Variants in CPAMD8 observed in about 807,000 individuals in gnomAD.
The protein encoded by CPAMD8 is C3 and PZP like alpha-2-macroglobulin domain containing 8.
Under a neutral mutation model 224.7 loss-of-function variants are expected in CPAMD8, and 146 were observed. The observed-to-expected ratio is 0.65, with a 90% confidence interval of 0.57 to 0.75. CPAMD8 has a LOEUF of 0.75. CPAMD8 is among the 30% of genes least tolerant of loss of function. The pLI is 0.00. For synonymous variants in CPAMD8, 966 were observed against 1,044.6 expected (o/e 0.92, Z 1.45); for missense variants, 2,301 against 2,537.5 (o/e 0.91, Z 2.00).
Position 16,893,289 on chromosome 19 carries a change from C to T in CPAMD8, c.5477G>A (p.Ser1826Asn), listed in dbSNP as rs1009759196. ...PPVSSGNLES[S>N]TQSASPFHRW... ...GTGGAACGGGCTGGCGCTCTGGGTG[C>T]TGCTTTCCAGGTTCCCGCTGCTCAC... Residue 1826 changes from serine to asparagine, a missense_variant, in exon 42 of 42, where the codon AGC (serine) becomes AAC (asparagine). Transcript: ENST00000443236. 3 of 1,557,344 alleles carry T rather than the reference C, an allele frequency of 1.9e-6. No homozygotes were observed. Among genetic ancestry groups the T allele is most frequent in the Non-Finnish European group, 2.6e-6 (3 of 1,150,270 alleles).
rs576751104 is a variant in CPAMD8 at position 16,932,517 on chromosome 19, GA to G, written c.2846-3278del. 2.7e-3 allele frequency among the ~76,000 whole-genome samples: 415 copies of G among 152,110 alleles called. 2 individuals carry two copies. The highest frequency in any genetic ancestry group is 4.3e-3 in the Non-Finnish European group (294 of 67,986). On this transcript the variant is annotated intron_variant, in intron 23 of 41. Coordinates refer to ENST00000443236, the MANE Select transcript of CPAMD8 (RefSeq NM_015692.5). ...GAAGTCAGAAAAACAATTCAAAAAG[GA>G]ACCAAACAAATTCTGAAACTGAAGA...
At chr19:17,012,346 CTTTCTT>C (rs1350399180) in intron 3 of CPAMD8, among the ~76,000 whole-genome samples, 1 of 92,646 alleles carries the variant, frequency 1.1e-5, no homozygotes, top group Non-Finnish European at 2.6e-5. Context: ...TTCTTTCTTT[CTTTCTT>C]TTTTTTTTTT....
At chr19:16,935,660 C>T (rs73525465) in intron 23 of CPAMD8, among the ~76,000 whole-genome samples, 2,024 of 152,220 alleles carry the variant, frequency 0.013, 39 homozygotes, top group African/African-American at 0.047. Flanking sequence ...GAAGGACATC[C>T]GGGCTGTTTC....
rs753438460 is a variant in CPAMD8, at chr19:16,899,498, G to A, written c.4825C>T (p.Arg1609Ter). ...GMKRYEVAGR[R>*]VLFYFDEIPS... ...ACCTCATCAAAGTAGAAGAGCACTC[G>A]GCGTCCAGCCACTTCATACCTCTTC... Residue 1609 changes from arginine (R) to a stop codon, truncating the protein, a stop_gained, in exon 37 of 42, where the codon CGA becomes TGA. Coordinates refer to ENST00000443236, the MANE Select transcript of CPAMD8 (RefSeq NM_015692.5). LOFTEE classifies it high-confidence loss of function. The surrounding 1 kb of genome is among the most constrained non-coding windows in gnomAD (Gnocchi z 5.4). 3.8e-6 allele frequency: 6 copies of A among 1,571,950 alleles called. No individual in the cohort carries two copies. The highest frequency in any genetic ancestry group is 1.3e-5 in the African/African-American group (1 of 74,164).
In CPAMD8 at chr19:16,925,915, A is replaced by G. The variant is rs144509609; in HGVS notation, c.3371-543T>C. Among the ~76,000 whole-genome samples, 266 of 152,100 alleles carry G rather than the reference A, an allele frequency of 1.7e-3. 1 individual carries two copies. The highest frequency in any genetic ancestry group is 3.7e-3 in the African/African-American group (153 of 41,490). On this transcript the variant is annotated intron_variant, in intron 25 of 41. Transcript: ENST00000443236. The stretch of plus-strand genomic sequence containing the variant: ...ACTACAGGCGTGTGCCACCACACCC[A>G]ACTAATTTTTTATTTTTATTTTTTT...
At chr19:16,965,396 A>G (rs8111146) in intron 18 of CPAMD8, among the ~76,000 whole-genome samples, 128,403 of 152,046 alleles carry the variant, frequency 0.84, 54,449 homozygotes, top group African/African-American at 0.88. Flanking sequence ...TACTGAATGG[A>G]CAAAAACTGG....
Position 16,902,778 on chromosome 19 carries a change from C to T in CPAMD8, c.4556G>A (p.Gly1519Glu), listed in dbSNP as rs1402424749. 3.1e-6 allele frequency: 5 copies of T among 1,590,556 alleles called. No homozygotes were observed. The highest frequency in any genetic ancestry group is 4.3e-6 in the Non-Finnish European group (5 of 1,164,628). Reference protein sequence around the residue: ...LVSLQEPEAQGRPPPMPASAA... With the variant: ...LVSLQEPEAQERPPPMPASAA... ...GGAGGCAGGCATGGGGGGCGGGCGT[C>T]CCTGGGCCTCAGGCTCCTGGAGGCT... Residue 1519 changes from glycine (G) to glutamate (E), a missense_variant, in exon 35 of 42, where the codon GGA becomes GAA. Gly to Glu is a moderately conservative substitution (Grantham distance 98). This residue lies in a region of CPAMD8 where 1,709 missense variants were observed against 1,753.2 expected (regional missense o/e 0.97). Coordinates refer to ENST00000443236, the MANE Select transcript of CPAMD8 (RefSeq NM_015692.5).
intron 22 of CPAMD8, among the ~76,000 whole-genome samples, chr19:16,939,451 C>T (rs987546173): frequency 3.3e-5 from 5 of 151,952 alleles, no homozygotes; most frequent in South Asian, 4.2e-4. Context: ...TCAAGCGATC[C>T]GCCTGCCTCG....
chr19:16,921,897 G>T lies in CPAMD8; in HGVS notation c.3629+8C>A. ...TCAGAGGCAATGCCCAGGGCGGTGGGGACTCACCACATGCTCCCCGATGCG... is the reference window on the plus strand; with the variant it reads ...TCAGAGGCAATGCCCAGGGCGGTGGTGACTCACCACATGCTCCCCGATGCG... On this transcript the variant is annotated splice_region_variant and intron_variant, in intron 27 of 41. Transcript: ENST00000443236. 1 of 1,537,160 alleles carries T rather than the reference G, an allele frequency of 6.5e-7. No homozygotes were observed. The highest frequency in any genetic ancestry group is 1.4e-5 in the African/African-American group (1 of 73,058).
chr19:16,907,998 C>T (rs1329039927), intron 29 of CPAMD8, among the ~76,000 whole-genome samples: 2 of 152,176 alleles, frequency 1.3e-5, no homozygotes, highest in Non-Finnish European at 2.9e-5. Context: ...CAGTGATACT[C>T]TAGGGGAAGC....
In CPAMD8 at chr19:16,914,705, G is replaced by C; in HGVS notation, c.3738C>G (p.Ala1246=). 6.2e-7 allele frequency: 1 copy of C among 1,614,066 alleles called. No homozygotes were observed. Among genetic ancestry groups the C allele is most frequent in the Non-Finnish European group, 8.5e-7 (1 of 1,179,950 alleles). The change falls in exon 28 of 42, where the codon GCC becomes GCG. Residue 1246 remains alanine, a synonymous_variant. Coordinates refer to ENST00000443236, the MANE Select transcript of CPAMD8 (RefSeq NM_015692.5). Reference sequence around the variant, plus strand: ...TGCCCACGGCCAGGAAGGAGCCATCGGCCTGCTGCTGCTGGATGATCCAGC... The same window carrying C: ...TGCCCACGGCCAGGAAGGAGCCATCCGCCTGCTGCTGCTGGATGATCCAGC... The part of the protein sequence containing the change: ...AKSWIIQQQQ[A]DGSFLAVGRV...
In CPAMD8 at chr19:17,008,543, C is replaced by T. The variant is rs61745075; in HGVS notation, c.521G>A (p.Arg174Gln). The change falls in exon 7 of 42, where the codon CGG becomes CAG. Residue 174 changes from arginine to glutamine, a missense_variant. Transcript: ENST00000443236. ...CTTTAAGTGTCTCCACTCTATCATC[C>T]GAGAGCCTCGGGGGTCCTGTTGGTG... ...EAYILDPRGS[R>Q]MIEWRHLKPF... 1.2e-3 allele frequency: 1,951 copies of T among 1,613,880 alleles called. 18 individuals are homozygous for T. The African/African-American group carries it at 0.02, about 17-fold the overall frequency.
rs757159231 is a variant in CPAMD8 at position 16,980,560 on chromosome 19, G to A, written c.1522C>T (p.Arg508Ter). Residue 508 changes from arginine to a stop codon, truncating the protein, a stop_gained, in exon 14 of 42, where the codon CGA becomes TGA. Transcript: ENST00000443236. LOFTEE classifies it high-confidence loss of function. ...AGGGCAGGGGCCGCCCGCTTGCTTC[G>A]CTGCTGGGTGGTGTGGGCAGGCTGC... Reference protein sequence around the residue: ...GQQPAHTTQQRSKRAAPALEK... With the variant: ...GQQPAHTTQQ 13 of 1,613,856 alleles carry A rather than the reference G, an allele frequency of 8.1e-6. No homozygotes were observed. In the Middle Eastern group the frequency reaches 4.9e-4, roughly 61 times the overall value.
At chr19:16,900,523 G>A (rs1219329631) in intron 36 of CPAMD8, among the ~76,000 whole-genome samples, 1 of 152,078 alleles carries the variant, frequency 6.6e-6, no homozygotes, top group Non-Finnish European at 1.5e-5. Flanking sequence ...GCTTGAACCG[G>A]GGAGGTGGAG....
intron 8 of CPAMD8, among the ~76,000 whole-genome samples, chr19:17,003,091 TG>T (rs2123053595): frequency 6.6e-6 from 1 of 151,638 alleles, no homozygotes; most frequent in African/African-American, 2.4e-5. Flanking sequence ...TTAGTAGAGA[TG>T]GGGTTTCACC....
chr19:16,970,402 C>T (rs939064716), intron 18 of CPAMD8, among the ~76,000 whole-genome samples: 1 of 151,886 alleles, frequency 6.6e-6, no homozygotes, highest in African/African-American at 2.4e-5. Context: ...GCCTGGCCAA[C>T]ATGGTGAAAC....
At chr19:16,950,023 C>T (rs1205111997) in intron 20 of CPAMD8, among the ~76,000 whole-genome samples, 4 of 152,138 alleles carry the variant, frequency 2.6e-5, no homozygotes, top group South Asian at 2.1e-4. Flanking sequence ...GGTGGCCAGG[C>T]GTGGTGGCTC....
intron 29 of CPAMD8, among the ~76,000 whole-genome samples, 179 bp from the exon 30 acceptor site, chr19:16,907,296 T>C (rs917633950): frequency 6.1e-5 from 9 of 147,904 alleles, no homozygotes; most frequent in Non-Finnish European, 8.9e-5. Context: ...CTCCTTTCTT[T>C]TCTTTCTTGC....
At chr19:16,946,379 G>T (rs574239895) in intron 21 of CPAMD8, among the ~76,000 whole-genome samples, 40 of 149,962 alleles carry the variant, frequency 2.7e-4, no homozygotes, top group Admixed American at 2.0e-3. Context: ...GTGTGGATTT[G>T]TGTGTGTGTA....
Sources: allele counts gnomAD v4.1 joint callset (sites outside exome capture counted in the v4.1 genomes callset), GRCh38; gene constraint gnomAD v4.1.1; regional missense constraint gnomAD v4.1.1; non-coding constraint Gnocchi (gnomAD v3.1); transcripts MANE v1.5; gene names NCBI Gene and HGNC (gene_info 2026-07-23, HGNC 2026-07-21).